The following IKBKG variants were observed in gnomAD, a reference collection of about 807,000 sequenced individuals.
IKBKG encodes inhibitor of nuclear factor kappa B kinase regulatory subunit gamma.
In IKBKG, 2 loss-of-function variants were observed where a neutral mutation model predicts 13.7. The ratio of observed to expected loss-of-function variants is 0.15; its 90% CI spans 0.06 to 0.46. The LOEUF is 0.46. Ranked by LOEUF, IKBKG falls within the 20% of genes least tolerant of loss-of-function variation. The probability of loss-of-function intolerance (pLI) is 0.98; values close to 1 mark genes in which losing one functional copy is unlikely to be tolerated. For missense variants in IKBKG, 53 were observed against 150.3 expected (o/e 0.35, Z 3.39); for synonymous variants, 22 against 64.4 (o/e 0.34, Z 3.15).
chrX:154,549,651 A>G (rs1448172907), intron 1 of IKBKG, among the ~76,000 whole-genome samples: 1 of 111,437 alleles, frequency 9.0e-6, no homozygotes, highest in African/African-American at 3.3e-5. Context: ...TAAAGTGTAC[A>G]ATTCAATGGT....
At chrX:154,542,251 G>A (rs782316100) in intron 1 of IKBKG, 14 of 1,055,535 alleles carry the variant, frequency 1.3e-5, no homozygotes, top group African/African-American at 1.1e-4. Flanking sequence ...CGTCCTGAAC[G>A]CCCATCAAGC....
At chrX:154,548,586 T>A (rs2070827825) in intron 1 of IKBKG, among the ~76,000 whole-genome samples, 1 of 112,623 alleles carries the variant, frequency 8.9e-6, no homozygotes, top group South Asian at 3.6e-4. Context: ...TTTTGAGAGA[T>A]GGAGTCTCGC....
At chrX:154,543,558 C>T (rs2070589022), upstream of IKBKG, among the ~76,000 whole-genome samples, 1 of 112,279 alleles carries the variant, frequency 8.9e-6, no homozygotes, top group Non-Finnish European at 1.9e-5. Flanking sequence ...GTTGCAGTGC[C>T]TTGTGACAGC....
At chrX:154,547,815 A>AC (rs1168657097) in intron 1 of IKBKG, 70 bp downstream of exon 1, 17 of 753,289 alleles carry the variant, frequency 2.3e-5, no homozygotes, top group Non-Finnish European at 4.7e-6. Flanking sequence ...CTTCCCCCGG[A>AC]CGTTCAGGCT....
chrX:154,549,945 G>A (rs2070882090), intron 1 of IKBKG, among the ~76,000 whole-genome samples: 2 of 111,901 alleles, frequency 1.8e-5, no homozygotes, highest in Admixed American at 9.5e-5. Flanking sequence ...ATGGACATTT[G>A]GGTTGTTTCC....
chrX:154,546,091 T>C (rs2070704319), upstream of IKBKG: 2 of 1,210,112 alleles, frequency 1.7e-6, no homozygotes, highest in African/African-American at 1.7e-5. Flanking sequence ...GGCATCGCCC[T>C]GGAAAAGCTC....
upstream of IKBKG, among the ~76,000 whole-genome samples, chrX:154,546,379 G>A (rs1405016193): frequency 8.9e-6 from 1 of 112,072 alleles, no homozygotes; most frequent in Non-Finnish European, 1.9e-5. Context: ...CTTCATTCAG[G>A]GTGTACATTA....
Position 154,562,936 on chromosome X carries a change from C to G in IKBKG, c.895C>G (p.Pro299Ala), listed in dbSNP as rs2148383949. The change falls in exon 7 of 10, where the codon CCG becomes GCG. Residue 299 changes from proline (P) to alanine (A), a missense_variant. Pro to Ala is a conservative substitution (Grantham distance 27, BLOSUM62 -1). Around this residue, in one of 3 missense-constraint regions of IKBKG, gnomAD observed 5 missense variants for 16.0 expected, o/e 0.31. Coordinates refer to ENST00000594239, the MANE Select transcript of IKBKG (RefSeq NM_001099857.5). ...GCACAAGATTGTGATGGAGACCGTT[C>G]CGGTGCTGAAGGCCCAGGTGAGGGC... Reference protein sequence around the residue: ...EQHKIVMETVPVLKAQADIYK... With the variant: ...EQHKIVMETVAVLKAQADIYK... 8.7e-6 allele frequency: 4 copies of G among 460,006 alleles called. No individual in the cohort carries two copies. In the South Asian group the frequency reaches 1.3e-4, roughly 15 times the overall value. 37.9% of individuals were successfully genotyped at this position (460,006 alleles called of 1,213,427 possible).
At chrX:154,544,001 G>A (rs1375576656), upstream of IKBKG, among the ~76,000 whole-genome samples, 1 of 109,172 alleles carries the variant, frequency 9.2e-6, no homozygotes, top group Non-Finnish European at 1.9e-5. Context: ...CTGAGTAGCT[G>A]GACTACAGGT....
At chrX:154,550,170 C>T (rs189277105) in intron 1 of IKBKG, among the ~76,000 whole-genome samples, 7 of 108,993 alleles carry the variant, frequency 6.4e-5, no homozygotes, top group Non-Finnish European at 1.1e-4. Flanking sequence ...GTTAATTGCT[C>T]AGTGTGATCA....
intron 2 of IKBKG, among the ~76,000 whole-genome samples, chrX:154,554,780 A>G (rs1348924309): frequency 1.8e-5 from 2 of 111,457 alleles, no homozygotes; most frequent in Non-Finnish European, 3.8e-5. Flanking sequence ...GTTGCAGATG[A>G]GCTGAGCTTT....
chrX:154,546,057 T>C (rs1163458456), upstream of IKBKG: 1 of 1,210,448 alleles, frequency 8.3e-7, no homozygotes, highest in East Asian at 3.0e-5. Context: ...TGATGATGAA[T>C]ATGTGTGTAT....
chrX:154,542,148 C>T (rs2070526800), intron 1 of IKBKG: 2 of 492,020 alleles, frequency 4.1e-6, no homozygotes, highest in Admixed American at 8.3e-5. Flanking sequence ...AGAATCTTAT[C>T]AGACCAATGG....
chrX:154,547,552 C>G (rs1468534177), upstream of IKBKG: 1 of 754,139 alleles, frequency 1.3e-6, no homozygotes, highest in African/African-American at 2.3e-5. Flanking sequence ...TCACACTTCT[C>G]GCCGGCTTCC....
upstream of IKBKG, chrX:154,546,924 G>T: frequency 3.2e-6 from 2 of 624,350 alleles, no homozygotes; most frequent in Non-Finnish European, 4.3e-6. Flanking sequence ...CGCCTCAGGC[G>T]AGGCGTGCGG....
upstream of IKBKG, chrX:154,546,191 G>A (rs1557233242): frequency 3.3e-6 from 4 of 1,209,530 alleles, no homozygotes; most frequent in East Asian, 3.0e-5. Context: ...CGTTAACAAG[G>A]CAGAAGAACA....
At chrX:154,545,969 T>C, upstream of IKBKG, 1 of 1,188,424 alleles carries the variant, frequency 8.4e-7, no homozygotes. Flanking sequence ...CAACAATTAG[T>C]TGGAAAAGCT....
At position 154,547,830 on chromosome X, in the gene IKBKG, C is replaced by T. The variant is rs1178699920; in HGVS notation, c.-16+85C>T. 4 of 753,941 alleles carry T rather than the reference C, an allele frequency of 5.3e-6. No individual in the cohort carries two copies. The African/African-American group carries it at 9.2e-5, about 17-fold the overall frequency. The allele number at this position is 753,941 out of a possible 1,213,427, so 62.1% of individuals were successfully genotyped here. Reference sequence around the variant, plus strand: ...CTTCCCCCGGACGTTCAGGCTCCCCCCTCTTTTTTGGGCCCCAGCCCGTTC... The same window carrying T: ...CTTCCCCCGGACGTTCAGGCTCCCCTCTCTTTTTTGGGCCCCAGCCCGTTC... On this transcript the variant is annotated intron_variant, in intron 1 of 9. Coordinates refer to ENST00000594239, the MANE Select transcript of IKBKG (RefSeq NM_001099857.5).
At chrX:154,542,144 T>G in intron 1 of IKBKG, 1 of 482,419 alleles carries the variant, frequency 2.1e-6, no homozygotes, top group Non-Finnish European at 3.5e-6. Context: ...AGCAAGAATC[T>G]TATCAGACCA....
Sources: gnomAD v4.1 joint callset for allele counts (sites outside exome capture counted in the v4.1 genomes callset) on GRCh38, gnomAD v4.1.1 for gene constraint, gnomAD v4.1.1 regional missense constraint, MANE v1.5 for transcripts, NCBI Gene and HGNC (gene_info 2026-07-23, HGNC 2026-07-21) for gene names.